Variants in EYA4 observed in about 807,000 individuals in gnomAD.
The protein encoded by EYA4 is protein phosphatase EYA4.
EYA4 carries 31 observed loss-of-function variants against 87.9 expected under a neutral mutation model. The observed-to-expected ratio is 0.35, with a 90% confidence interval of 0.27 to 0.48. The LOEUF is 0.48. Ranked by LOEUF, EYA4 falls within the 20% of genes least tolerant of loss-of-function variation. The pLI, the probability that EYA4 is intolerant of heterozygous loss-of-function variation, is 0.99. For synonymous variants in EYA4, 263 were observed against 270.6 expected, an observed-to-expected ratio of 0.97 and a Z score of 0.28; for missense variants, 678 against 761.4, an observed-to-expected ratio of 0.89 and a Z score of 1.29.
chr6:133,446,268 A>ATGAC (rs1792826919), intron 3 of EYA4, among the ~76,000 whole-genome samples: 1 of 152,098 alleles, frequency 6.6e-6, no homozygotes, highest in Non-Finnish European at 1.5e-5. Context: ...TTCTTACAGT[A>ATGAC]TTATATGGAA....
In EYA4 at chr6:133,483,017, A is replaced by C; in HGVS notation, c.1108-15A>C. On this transcript the variant is annotated splice_polypyrimidine_tract_variant and intron_variant, in intron 12 of 19. Coordinates refer to ENST00000355286, the MANE Select transcript of EYA4 (RefSeq NM_004100.5). ...TGGACTTTTTAATTTTCTGATATTT[A>C]TTTTTTGTCTTCAGCGTGTGTTTGT... 6.2e-7 allele frequency: 1 copy of C among 1,607,308 alleles called. No homozygotes were observed. The highest frequency in any genetic ancestry group is 1.1e-5 in the South Asian group (1 of 90,862).
intron 2 of EYA4, among the ~76,000 whole-genome samples, chr6:133,312,797 T>C (rs1780331773): frequency 6.6e-6 from 1 of 152,128 alleles, no homozygotes; most frequent in African/African-American, 2.4e-5. Context: ...TTCTAAGAAA[T>C]TTAACTTCTC....
chr6:133,370,742 G>A (rs867019192), intron 2 of EYA4, among the ~76,000 whole-genome samples: 90 of 152,208 alleles, frequency 5.9e-4, no homozygotes, highest in African/African-American at 2.1e-3. Flanking sequence ...TGCATAATTT[G>A]TTTTGAAATT....
At chr6:133,241,035 G>A (rs932122228), upstream of EYA4, among the ~76,000 whole-genome samples, 1 of 151,980 alleles carries the variant, frequency 6.6e-6, no homozygotes, top group African/African-American at 2.4e-5. Flanking sequence ...GAGTCGGCCC[G>A]GGTGGGGGCG....
At chr6:133,433,756 AACAG>A (rs1356253644) in intron 3 of EYA4, among the ~76,000 whole-genome samples, 12 of 152,218 alleles carry the variant, frequency 7.9e-5, no homozygotes, top group African/African-American at 2.9e-4. Context: ...ATCAGAATCT[AACAG>A]ACAGGCTGAA....
rs767403761 is a variant in EYA4, at chr6:133,382,490, G to A, written c.83+49G>A. 23 of 1,233,336 alleles carry A rather than the reference G, an allele frequency of 1.9e-5. 1 individual carries two copies. The Middle Eastern group carries it at 7.5e-4, about 40-fold the overall frequency. The allele number at this position is 1,233,336 out of a possible 1,614,324, so 76.4% of individuals were successfully genotyped here. ...CTCCCCTAAGGAGAATTGCAGTTTC[G>A]GAGCACTAGTAAGATGTTATACCTG... On this transcript the variant is annotated intron_variant, in intron 3 of 19. Transcript: ENST00000355286.
intron 6 of EYA4, among the ~76,000 whole-genome samples, chr6:133,458,238 T>C (rs1284019564): frequency 6.6e-6 from 1 of 152,218 alleles, no homozygotes; most frequent in Non-Finnish European, 1.5e-5. Context: ...TAAAATTTGA[T>C]AAAATTAAAA....
At chr6:133,507,783 C>G (rs550676082) in intron 14 of EYA4, among the ~76,000 whole-genome samples, 1 of 152,238 alleles carries the variant, frequency 6.6e-6, no homozygotes, top group Non-Finnish European at 1.5e-5. Context: ...CATTGATGGG[C>G]ATTTGGGTTG....
intron 13 of EYA4, among the ~76,000 whole-genome samples, chr6:133,503,923 T>C (rs985984656): frequency 2.6e-5 from 4 of 151,880 alleles, no homozygotes; most frequent in African/African-American, 9.7e-5. Flanking sequence ...CTTATTAATA[T>C]TTTTTTTCTT....
intron 1 of EYA4, among the ~76,000 whole-genome samples, chr6:133,252,942 AACACACACACACACACACACAC>A (rs3836960): frequency 1.4e-5 from 2 of 138,670 alleles, no homozygotes; most frequent in African/African-American, 5.3e-5. Context: ...GGTACTTGAA[AACACACACACACACACACACAC>A]ACACACACAC....
intron 1 of EYA4, among the ~76,000 whole-genome samples, chr6:133,252,832 T>G (rs2128232558): frequency 6.6e-6 from 1 of 152,212 alleles, no homozygotes; most frequent in South Asian, 2.1e-4. Flanking sequence ...AATTTAGTGG[T>G]TGTACTTTAA....
intron 17 of EYA4, among the ~76,000 whole-genome samples, chr6:133,518,231 T>C (rs1799770756): frequency 6.6e-6 from 1 of 151,698 alleles, no homozygotes; most frequent in African/African-American, 2.4e-5. Context: ...TTAGATTATA[T>C]ATACTATATA....
chr6:133,246,855 A>T (rs536867326), intron 1 of EYA4: 1 of 152,086 alleles, frequency 6.6e-6, no homozygotes, highest in African/African-American at 2.4e-5. Context: ...TGTTATTCCT[A>T]TTTTACAGAT....
chr6:133,257,386 G>T (rs1775422575), intron 1 of EYA4, among the ~76,000 whole-genome samples: 1 of 152,028 alleles, frequency 6.6e-6, no homozygotes, highest in Non-Finnish European at 1.5e-5. Context: ...ACTTCAACTG[G>T]CTTGAATATT....
chr6:133,459,798 A>G (rs1403157368), intron 6 of EYA4, among the ~76,000 whole-genome samples: 1 of 152,160 alleles, frequency 6.6e-6, no homozygotes, highest in Non-Finnish European at 1.5e-5. Flanking sequence ...AACGATACGT[A>G]TCAAATTCAG....
At chr6:133,432,845 C>G (rs1036960367) in intron 3 of EYA4, among the ~76,000 whole-genome samples, 10 of 152,060 alleles carry the variant, frequency 6.6e-5, no homozygotes, top group Non-Finnish European at 1.0e-4. Context: ...TACAGAATGT[C>G]TTGGCAGAGA....
intron 3 of EYA4, among the ~76,000 whole-genome samples, chr6:133,434,592 T>C (rs553386240): frequency 6.8e-4 from 104 of 152,332 alleles, no homozygotes; most frequent in African/African-American, 2.3e-3. Flanking sequence ...ATTCAGGTTT[T>C]AGTTGACAGT....
chr6:133,376,693 A>T (rs967596297), intron 2 of EYA4, among the ~76,000 whole-genome samples: 3 of 151,966 alleles, frequency 2.0e-5, no homozygotes, highest in African/African-American at 7.2e-5. Flanking sequence ...TGGAAACATT[A>T]AAAAAATTAA....
intron 2 of EYA4, among the ~76,000 whole-genome samples, chr6:133,356,008 G>T (rs79822173): frequency 0.078 from 11,820 of 151,192 alleles, 706 homozygotes; most frequent in African/African-American, 0.16. Context: ...CTTTCTTCCT[G>T]TCTTGGGGGT....
Sources: allele counts gnomAD v4.1 joint callset (sites outside exome capture counted in the v4.1 genomes callset), GRCh38; gene constraint gnomAD v4.1.1; transcripts MANE v1.5; gene names NCBI Gene and HGNC (gene_info 2026-07-23, HGNC 2026-07-21).